ATP13A3: variants seen among roughly 807,000 people sequenced by gnomAD.
ATP13A3 encodes the protein ATPase 13A3, also known as polyamine-transporting ATPase 13A3.
Under a neutral mutation model 158.1 loss-of-function variants are expected in ATP13A3, and 59 were observed. The ratio of observed to expected loss-of-function variants is 0.37; its 90% confidence interval spans 0.30 to 0.46. ATP13A3 has a LOEUF of 0.46. ATP13A3 is among the 20% of genes least tolerant of loss of function. ATP13A3 has a pLI of 1.00. For synonymous variants in ATP13A3, 491 were observed against 504.3 expected (o/e 0.97, Z 0.35); for missense variants, 1,166 against 1,525.2 (o/e 0.76, Z 3.92).
chr3:194,406,330 C>T (rs1390818794), intron 33 of ATP13A3, among the ~76,000 whole-genome samples: 4 of 151,930 alleles, frequency 2.6e-5, no homozygotes, highest in Non-Finnish European at 4.4e-5. Flanking sequence ...CTTGGGAGGT[C>T]GAGGTGGGAG....
At chr3:194,454,869 T>C (rs73071143) in intron 8 of ATP13A3, among the ~76,000 whole-genome samples, 3,626 of 152,168 alleles carry the variant, frequency 0.024, 134 homozygotes, top group African/African-American at 0.083. Context: ...ATACTCTTAT[T>C]ATCATTAAAA....
chr3:194,410,940 GTGTGT>G (rs775991811), intron 33 of ATP13A3, among the ~76,000 whole-genome samples: 1,171 of 96,918 alleles, frequency 0.012, 12 homozygotes, highest in South Asian at 0.066. Flanking sequence ...GTGTTGGGGT[GTGTGT>G]GTGTGTGTGT....
intron 30 of ATP13A3, among the ~76,000 whole-genome samples, chr3:194,424,869 G>A (rs1388420177): frequency 7.2e-5 from 11 of 152,298 alleles, no homozygotes; most frequent in Admixed American, 5.9e-4. Flanking sequence ...CCACACCAGC[G>A]TCGGAAATGA....
intron 2 of ATP13A3, among the ~76,000 whole-genome samples, chr3:194,469,287 A>T (rs1398386534): frequency 6.6e-6 from 1 of 152,084 alleles, no homozygotes; most frequent in Admixed American, 6.5e-5. Context: ...GTGAAACCCC[A>T]TCTCTACTAA....
In ATP13A3 at chr3:194,438,669, G is replaced by T. The variant is rs117920295; in HGVS notation, c.1827+187C>A. Reference sequence around the variant, plus strand: ...GTAAGTAAGCAGGCTGGGGGTGGTGGCTCACACCTGTAATCCCAGCACTTG... The same window carrying T: ...GTAAGTAAGCAGGCTGGGGGTGGTGTCTCACACCTGTAATCCCAGCACTTG... On this transcript the variant is annotated intron_variant, in intron 17 of 33. Transcript: ENST00000645319. 1.2e-3 allele frequency among the ~76,000 whole-genome samples: 186 copies of T among 152,246 alleles called. 2 individuals are homozygous for T. In the East Asian group the frequency reaches 0.032, roughly 26 times the overall value.
chr3:194,440,027 T>A (rs1244098882), intron 16 of ATP13A3, among the ~76,000 whole-genome samples: 1 of 152,108 alleles, frequency 6.6e-6, no homozygotes, highest in Non-Finnish European at 1.5e-5. Flanking sequence ...ACTTATCCAG[T>A]CACCTCCTCC....
intron 17 of ATP13A3, among the ~76,000 whole-genome samples, chr3:194,437,885 C>A (rs752796102): frequency 4.6e-5 from 7 of 152,154 alleles, no homozygotes; most frequent in Non-Finnish European, 1.5e-5. Flanking sequence ...GCTGGCTGGG[C>A]GCAGTGGCTC....
intron 33 of ATP13A3, among the ~76,000 whole-genome samples, chr3:194,407,385 A>AT (rs773270715): frequency 3.3e-5 from 5 of 152,384 alleles, no homozygotes; most frequent in Middle Eastern, 3.4e-3. Context: ...CAAGTTAGCT[A>AT]TAGATGTATT....
rs777864480 is a variant in ATP13A3, at chr3:194,459,949, C to T, written c.248G>A (p.Cys83Tyr). The T allele has an allele frequency of 1.2e-6, 2 of 1,612,254 alleles. No homozygotes were observed. Among genetic ancestry groups the T allele is most frequent in the South Asian group, 2.2e-5 (2 of 90,812 alleles). The change falls in exon 5 of 34, where the codon TGT becomes TAT. Residue 83 changes from cysteine (C) to tyrosine (Y), a missense_variant. Cys to Tyr is a radical substitution (Grantham distance 194). Transcript: ENST00000645319. ...RTTDEFKMWF[C>Y]AKIRVLSLET... ...CAAAGAAAGAACGCGAATTTTTGCA[C>T]AAAACCACATTTTGAATTCATCCTT... is the stretch of plus-strand genomic sequence containing the variant.
rs541559471 is a variant in ATP13A3, at chr3:194,419,805, A to C, written c.3402+74T>G. 5.9e-6 allele frequency: 9 copies of C among 1,513,712 alleles called. No individual in the cohort carries two copies. In the South Asian group the frequency reaches 1.2e-4, roughly 21 times the overall value. The allele number at this position is 1,513,712 out of a possible 1,614,324, so 93.8% of individuals were successfully genotyped here. On this transcript the variant is annotated intron_variant, in intron 31 of 33. Transcript: ENST00000645319. ...ACAGCATCTTAGAATACACAAAAAG[A>C]AGAGATCCTGGAAAAAAAGAAATGT...
chr3:194,457,418 T>C (rs1215994754), intron 6 of ATP13A3, among the ~76,000 whole-genome samples: 1 of 152,192 alleles, frequency 6.6e-6, no homozygotes, highest in Admixed American at 6.5e-5. Flanking sequence ...GCAGGATAGA[T>C]GAGATGGCTC....
chr3:194,408,354 T>C (rs758991141), intron 33 of ATP13A3, among the ~76,000 whole-genome samples: 1 of 152,156 alleles, frequency 6.6e-6, no homozygotes. Flanking sequence ...ACTGTTAGAT[T>C]ACCACAGGAA....
At chr3:194,422,273 T>C (rs1401969108) in intron 30 of ATP13A3, among the ~76,000 whole-genome samples, 6 of 152,140 alleles carry the variant, frequency 3.9e-5, no homozygotes, top group African/African-American at 1.4e-4. Context: ...TTTAGAGAGG[T>C]ATGAATTTCT....
chr3:194,487,147 A>C (rs1054644707), upstream of ATP13A3: 2 of 152,120 alleles, frequency 1.3e-5, no homozygotes, highest in Non-Finnish European at 2.9e-5. Context: ...GCCACCCTCG[A>C]ACGGGCAAAA....
intron 29 of ATP13A3, 146 bp downstream of exon 29, chr3:194,426,929 C>T: frequency 1.3e-6 from 1 of 755,332 alleles, no homozygotes; most frequent in Non-Finnish European, 2.1e-6. Context: ...AGTGATCTAC[C>T]TGCCTCGGCC....
chr3:194,473,435 A>AT (rs1720394879), intron 2 of ATP13A3, among the ~76,000 whole-genome samples: 1 of 151,914 alleles, frequency 6.6e-6, no homozygotes, highest in Admixed American at 6.6e-5. Context: ...AAGACGATGT[A>AT]TTTAAAGTAT....
intron 30 of ATP13A3, among the ~76,000 whole-genome samples, chr3:194,423,093 A>G (rs766409153): frequency 6.6e-6 from 1 of 152,112 alleles, no homozygotes; most frequent in Non-Finnish European, 1.5e-5. Flanking sequence ...ATTGAAGCCA[A>G]ATCCCAAGAA....
intron 33 of ATP13A3, among the ~76,000 whole-genome samples, chr3:194,410,068 T>C (rs917613660): frequency 2.7e-4 from 41 of 151,812 alleles, no homozygotes; most frequent in Non-Finnish European, 3.5e-4. Flanking sequence ...TCAGAATCAG[T>C]TGACACACAG....
chr3:194,406,244 T>TG (rs1714920634), intron 33 of ATP13A3, 128 bp from the exon 34 acceptor site: 2 of 983,976 alleles, frequency 2.0e-6, no homozygotes, highest in South Asian at 1.7e-5. Flanking sequence ...GCACAACGAA[T>TG]GGGGGAAAAA....
Sources: gnomAD v4.1 joint callset for allele counts (sites outside exome capture counted in the v4.1 genomes callset) on GRCh38, gnomAD v4.1.1 for gene constraint, MANE v1.5 for transcripts, NCBI Gene and HGNC (gene_info 2026-07-23, HGNC 2026-07-21) for gene names.